The following KCNIP1 variants were observed in gnomAD, a reference collection of about 807,000 sequenced individuals.
KCNIP1 encodes the protein potassium voltage-gated channel interacting protein 1, also known as A-type potassium channel modulatory protein KCNIP1.
Under a neutral mutation model 33.0 loss-of-function variants are expected in KCNIP1, and 18 were observed. The observed-to-expected ratio is 0.55, with a 90% confidence interval of 0.38 to 0.81. The LOEUF (loss-of-function observed/expected upper bound fraction) is 0.81. Among genes scored for constraint, KCNIP1 ranks in the 30% least tolerant of loss-of-function variants. KCNIP1 has a pLI of 0.00. For missense variants in KCNIP1, 238 were observed against 271.6 expected (o/e 0.88, Z 0.87); for synonymous variants, 93 against 98.3 (o/e 0.95, Z 0.32).
At chr5:170,383,823 G>A in intron 1 of KCNIP1, 1 of 1,614,040 alleles carries the variant, frequency 6.2e-7, no homozygotes, top group Non-Finnish European at 8.5e-7. Context: ...TCTCAATCAG[G>A]TGGCACTTGG....
chr5:170,581,848 A>G (rs1259784489), intron 1 of KCNIP1, among the ~76,000 whole-genome samples: 1 of 152,246 alleles, frequency 6.6e-6, no homozygotes, highest in Admixed American at 6.5e-5. Context: ...GCATGGATCC[A>G]GTGTCTGCAT....
At chr5:170,373,743 A>G (rs1409628828) in intron 1 of KCNIP1, among the ~76,000 whole-genome samples, 1 of 152,238 alleles carries the variant, frequency 6.6e-6, no homozygotes, top group Non-Finnish European at 1.5e-5. Context: ...TTAACAATGC[A>G]TGTTACATGA....
At chr5:170,359,712 T>C (rs1324274004) in intron 1 of KCNIP1, among the ~76,000 whole-genome samples, 2 of 152,290 alleles carry the variant, frequency 1.3e-5, no homozygotes, top group East Asian at 3.9e-4. Context: ...CCTCCTGATG[T>C]CCAGTAGCCT....
intron 1 of KCNIP1, among the ~76,000 whole-genome samples, chr5:170,400,083 G>A (rs752004573): frequency 1.3e-5 from 2 of 152,200 alleles, no homozygotes; most frequent in African/African-American, 2.4e-5. Flanking sequence ...CCAGGGATTG[G>A]AATTCAGGCC....
chr5:170,582,378 C>T (rs1385717626), intron 1 of KCNIP1, among the ~76,000 whole-genome samples: 1 of 152,224 alleles, frequency 6.6e-6, no homozygotes, highest in Non-Finnish European at 1.5e-5. Flanking sequence ...GACTCTCTCA[C>T]AAGGTTGCCA....
At chr5:170,705,198 T>A (rs1763218876) in intron 1 of KCNIP1, among the ~76,000 whole-genome samples, 2 of 152,226 alleles carry the variant, frequency 1.3e-5, no homozygotes, top group Non-Finnish European at 2.9e-5. Context: ...CAAAGCTGAA[T>A]AACTTCATTA....
In KCNIP1 at chr5:170,539,575, T is replaced by A. The variant is rs192515665; in HGVS notation, c.61+34942T>A. Among the ~76,000 whole-genome samples the A allele has an allele frequency of 4.5e-4, 68 of 152,304 alleles. No homozygotes were observed. In the East Asian group the frequency reaches 8.9e-3, roughly 20 times the overall value. ...CCCTGTCCACATCAAGGGTCTTGCA[T>A]CTCATCACCCTGTTTTATTTTCCCC... is the stretch of plus-strand genomic sequence containing the variant. On this transcript the variant is annotated intron_variant, in intron 1 of 7. Coordinates refer to ENST00000328939, the MANE Select transcript of KCNIP1 (RefSeq NM_014592.4).
intron 1 of KCNIP1, among the ~76,000 whole-genome samples, chr5:170,662,379 C>T (rs1174369882): frequency 6.6e-6 from 1 of 152,168 alleles, no homozygotes; most frequent in Non-Finnish European, 1.5e-5. Context: ...GCTGGAATCA[C>T]ATTTCCTCTG....
At chr5:170,375,471 A>C (rs1763964364) in intron 1 of KCNIP1, 1 of 152,506 alleles carries the variant, frequency 6.6e-6, no homozygotes, top group Admixed American at 6.5e-5. Flanking sequence ...GCATGAGGGC[A>C]CCTGGGTTCC....
intron 5 of KCNIP1, among the ~76,000 whole-genome samples, chr5:170,732,329 T>C (rs533718669): frequency 5.9e-5 from 9 of 152,116 alleles, no homozygotes; most frequent in Admixed American, 2.6e-4. Flanking sequence ...GAACTGATCT[T>C]TTTAATAAGG....
intron 1 of KCNIP1, among the ~76,000 whole-genome samples, chr5:170,557,748 G>C (rs1313881614): frequency 6.6e-6 from 1 of 152,192 alleles, no homozygotes; most frequent in Non-Finnish European, 1.5e-5. Flanking sequence ...CGAGTGTCTG[G>C]AGTGGAGGGA....
intron 1 of KCNIP1, among the ~76,000 whole-genome samples, chr5:170,398,859 AG>A (rs976949124): frequency 9.9e-5 from 15 of 152,166 alleles, no homozygotes; most frequent in African/African-American, 3.4e-4. Context: ...CAGCCCTCTA[AG>A]GGCCCTTAGA....
intron 1 of KCNIP1, among the ~76,000 whole-genome samples, chr5:170,646,697 C>T (rs1406337351): frequency 6.6e-6 from 1 of 152,138 alleles, no homozygotes; most frequent in East Asian, 1.9e-4. Flanking sequence ...TGTCCCCTCT[C>T]ACTCCTCCTT....
intron 1 of KCNIP1, among the ~76,000 whole-genome samples, chr5:170,632,475 C>A (rs1346974903): frequency 6.6e-6 from 1 of 152,230 alleles, no homozygotes; most frequent in Non-Finnish European, 1.5e-5. Context: ...AGCACTCTGC[C>A]TCCCTAGGCC....
chr5:170,678,744 T>G (rs537941452), intron 1 of KCNIP1, among the ~76,000 whole-genome samples: 2 of 152,134 alleles, frequency 1.3e-5, no homozygotes, highest in Non-Finnish European at 2.9e-5. Context: ...GAGGAGAGCT[T>G]ATGCCTAGCT....
At chr5:170,727,338 T>A (rs1195251957) in intron 5 of KCNIP1, among the ~76,000 whole-genome samples, 2 of 152,232 alleles carry the variant, frequency 1.3e-5, no homozygotes, top group East Asian at 3.8e-4. Context: ...TGTGAAGGGA[T>A]GTCTTTTGGT....
At chr5:170,539,867 A>G (rs187476770) in intron 1 of KCNIP1, among the ~76,000 whole-genome samples, 58 of 152,310 alleles carry the variant, frequency 3.8e-4, no homozygotes, top group African/African-American at 1.3e-3. Flanking sequence ...AGAAGTTTAA[A>G]TGTGTCTTCT....
chr5:170,648,402 G>T (rs1216903535), intron 1 of KCNIP1, among the ~76,000 whole-genome samples: 1 of 152,176 alleles, frequency 6.6e-6, no homozygotes, highest in African/African-American at 2.4e-5. Flanking sequence ...TGAGCGAATG[G>T]TTAAATAAAT....
At chr5:170,477,849 A>G (rs1255403697) in intron 1 of KCNIP1, among the ~76,000 whole-genome samples, 1 of 152,208 alleles carries the variant, frequency 6.6e-6, no homozygotes, top group Non-Finnish European at 1.5e-5. Context: ...AGGCCACTGG[A>G]TAGATAGCGA....
Sources: allele counts gnomAD v4.1 joint callset (sites outside exome capture counted in the v4.1 genomes callset), GRCh38; gene constraint gnomAD v4.1.1; transcripts MANE v1.5; gene names NCBI Gene and HGNC (gene_info 2026-07-23, HGNC 2026-07-21).